The following POU6F2 variants were observed in gnomAD, a reference collection of about 807,000 sequenced individuals.
POU6F2 encodes POU domain, class 6, transcription factor 2.
POU6F2 carries 31 observed loss-of-function variants against 71.3 expected under a neutral mutation model. The observed-to-expected ratio is 0.43, with a 90% CI of 0.33 to 0.59. The LOEUF (loss-of-function observed/expected upper bound fraction) is 0.59, where lower values mean the gene tolerates loss of function less well. Ranked by LOEUF, POU6F2 falls within the 20% of genes least tolerant of loss-of-function variation. The pLI, the probability that POU6F2 is intolerant of heterozygous loss-of-function variation, is 0.04. For synonymous variants in POU6F2, 347 were observed against 355.7 expected (o/e 0.98, Z 0.27); for missense variants, 783 against 856.8 (o/e 0.91, Z 1.07).
chr7:39,279,525 T>C (rs1053599060), intron 4 of POU6F2, among the ~76,000 whole-genome samples: 6 of 152,196 alleles, frequency 3.9e-5, no homozygotes, highest in African/African-American at 1.4e-4. Flanking sequence ...AAGAAATTCA[T>C]TGTCTCACAG....
intron 4 of POU6F2, among the ~76,000 whole-genome samples, chr7:39,325,447 G>C (rs1785485765): frequency 6.6e-6 from 1 of 152,188 alleles, no homozygotes; most frequent in African/African-American, 2.4e-5. Flanking sequence ...GAAGTTTAAA[G>C]TTCAGCCTAG....
At chr7:39,319,830 A>C (rs1226712694) in intron 4 of POU6F2, among the ~76,000 whole-genome samples, 1 of 152,210 alleles carries the variant, frequency 6.6e-6, no homozygotes, top group African/African-American at 2.4e-5. Flanking sequence ...TCCTTCAGAG[A>C]GTGGGACTCA....
At chr7:39,262,891 GACA>G (rs923715054) in intron 4 of POU6F2, among the ~76,000 whole-genome samples, 8 of 152,084 alleles carry the variant, frequency 5.3e-5, no homozygotes, top group African/African-American at 1.9e-4. Flanking sequence ...CTTCTTTTCT[GACA>G]ACAAGAGTGC....
At chr7:39,119,267 G>A (rs185407355) in intron 2 of POU6F2, among the ~76,000 whole-genome samples, 1 of 152,272 alleles carries the variant, frequency 6.6e-6, no homozygotes, top group East Asian at 1.9e-4. Context: ...AACGTTGAGG[G>A]CAATTGGCAA....
chr7:39,310,823 C>T (rs894326226), intron 4 of POU6F2, among the ~76,000 whole-genome samples: 1 of 152,188 alleles, frequency 6.6e-6, no homozygotes, highest in Non-Finnish European at 1.5e-5. Flanking sequence ...CCCTGCCTTG[C>T]CTCAGAGCAG....
chr7:39,009,983 T>G (rs866433217), intron 1 of POU6F2, among the ~76,000 whole-genome samples: 1 of 151,898 alleles, frequency 6.6e-6, no homozygotes, highest in African/African-American at 2.4e-5. Flanking sequence ...TCTAAAATTC[T>G]CTTTTTTGGT....
At chr7:39,081,299 C>T (rs1791113221) in intron 1 of POU6F2, among the ~76,000 whole-genome samples, 1 of 152,072 alleles carries the variant, frequency 6.6e-6, no homozygotes, top group African/African-American at 2.4e-5. Context: ...CGAACCTTGC[C>T]CATTCCAGAT....
chr7:39,138,202 T>G (rs1471592056), intron 2 of POU6F2, among the ~76,000 whole-genome samples: 1 of 152,228 alleles, frequency 6.6e-6, no homozygotes, highest in African/African-American at 2.4e-5. Context: ...TACTTATAGG[T>G]GGATGTTGGT....
intron 2 of POU6F2, among the ~76,000 whole-genome samples, chr7:39,086,276 C>T (rs1791243847): frequency 6.6e-6 from 1 of 152,076 alleles, no homozygotes; most frequent in African/African-American, 2.4e-5. Flanking sequence ...GCTAGAGTCC[C>T]CAGGCTGGAA....
At chr7:39,028,531 T>G (rs146882143) in intron 1 of POU6F2, among the ~76,000 whole-genome samples, 30 of 152,202 alleles carry the variant, frequency 2.0e-4, no homozygotes, top group African/African-American at 6.5e-4. Context: ...GAAATTTTGT[T>G]TTGAATGTCC....
intron 4 of POU6F2, among the ~76,000 whole-genome samples, chr7:39,248,993 C>G (rs1048394331): frequency 5.9e-5 from 9 of 152,294 alleles, no homozygotes; most frequent in African/African-American, 2.2e-4. Context: ...ACTGCCAGAT[C>G]CCTGTGACAA....
intron 1 of POU6F2, among the ~76,000 whole-genome samples, chr7:39,007,478 C>T (rs1250643337): frequency 1.3e-5 from 2 of 152,172 alleles, no homozygotes. Flanking sequence ...GGTCTAGGAA[C>T]AGAATTTATC....
At chr7:39,266,818 C>T (rs577808083) in intron 4 of POU6F2, among the ~76,000 whole-genome samples, 4 of 150,412 alleles carry the variant, frequency 2.7e-5, no homozygotes, top group African/African-American at 4.9e-5. Context: ...GTACTCATCA[C>T]CTCATGCATT....
rs1170682695 is a variant in POU6F2 at position 39,331,300 on chromosome 7, A to AT, written c.599-8340dup. The stretch of plus-strand genomic sequence containing the variant: ...CTTTGTATATACATCTAATAGTGGG[A>AT]TTGCTAGATTATATAGTAGTTCCAT... On this transcript the variant is annotated intron_variant, in intron 4 of 9. Transcript: ENST00000518318. Among the ~76,000 whole-genome samples the AT allele has an allele frequency of 4.0e-4, 61 of 152,218 alleles. 1 individual carries two copies. Among genetic ancestry groups the AT allele is most frequent in the Admixed American group, 4.0e-3 (61 of 15,302 alleles).
At chr7:39,049,583 G>A (rs1790364281) in intron 1 of POU6F2, among the ~76,000 whole-genome samples, 1 of 151,914 alleles carries the variant, frequency 6.6e-6, no homozygotes, top group African/African-American at 2.4e-5. Flanking sequence ...CTAGCATAGA[G>A]ATCAGCAAAT....
intron 2 of POU6F2, among the ~76,000 whole-genome samples, chr7:39,183,597 C>T (rs10248402): frequency 0.83 from 126,187 of 152,134 alleles, 52,784 homozygotes; most frequent in East Asian, 1. Flanking sequence ...GGGATTATAA[C>T]TGGACATGAG....
At chr7:39,347,628 C>CTATTAT (rs5883686) in intron 5 of POU6F2, among the ~76,000 whole-genome samples, 4 of 140,348 alleles carry the variant, frequency 2.9e-5, no homozygotes, top group Non-Finnish European at 4.7e-5. Flanking sequence ...ATTATTATTA[C>CTATTAT]TATTATTATT....
chr7:39,080,792 A>G (rs2128719899), intron 1 of POU6F2, among the ~76,000 whole-genome samples: 1 of 152,232 alleles, frequency 6.6e-6, no homozygotes, highest in East Asian at 1.9e-4. Flanking sequence ...TGTGGCTGCC[A>G]CTGGACACGG....
Position 39,321,324 on chromosome 7 carries a change from G to C in POU6F2, c.599-18318G>C, listed in dbSNP as rs548549595. On this transcript the variant is annotated intron_variant, in intron 4 of 9. Transcript: ENST00000518318. ...CAGAAAGAAGAGCTGAGCTTTGAAA[G>C]AAGGGTAGGATCATGACAGAGGGAA... 3.6e-4 allele frequency among the ~76,000 whole-genome samples: 55 copies of C among 152,324 alleles called. 1 individual carries two copies. The highest frequency in any genetic ancestry group is 3.1e-3 in the Admixed American group (47 of 15,306).
Sources: gnomAD v4.1 joint callset for allele counts (sites outside exome capture counted in the v4.1 genomes callset) on GRCh38, gnomAD v4.1.1 for gene constraint, MANE v1.5 for transcripts, NCBI Gene and HGNC (gene_info 2026-07-23, HGNC 2026-07-21) for gene names.